The following KCNQ5 variants were observed in gnomAD, a reference collection of about 807,000 sequenced individuals.
KCNQ5 encodes the protein potassium voltage-gated channel subfamily KQT member 5.
A neutral mutation model predicts 98.2 loss-of-function variants in KCNQ5; 30 were observed. The ratio of observed to expected loss-of-function variants is 0.31; its 90% confidence interval spans 0.23 to 0.41. The LOEUF (loss-of-function observed/expected upper bound fraction) is 0.41. Ranked by LOEUF, KCNQ5 falls within the 10% of genes least tolerant of loss-of-function variation. The pLI is 1.00. For missense variants in KCNQ5, 835 were observed against 1,182.5 expected (o/e 0.71, Z 4.31); for synonymous variants, 458 against 449.4 (o/e 1.02, Z -0.24).
intron 10 of KCNQ5, among the ~76,000 whole-genome samples, chr6:73,138,034 A>C (rs1159099904): frequency 6.6e-6 from 1 of 152,030 alleles, no homozygotes; most frequent in African/African-American, 2.4e-5. Context: ...ACATCATCTC[A>C]AGGCAGCCAG....
intron 5 of KCNQ5, among the ~76,000 whole-genome samples, chr6:73,095,987 A>C (rs1342334946): frequency 6.6e-6 from 1 of 152,194 alleles, no homozygotes; most frequent in African/African-American, 2.4e-5. Context: ...TCCTCATATG[A>C]TCACAAGATG....
chr6:73,148,554 G>A (rs1176950819), intron 10 of KCNQ5, among the ~76,000 whole-genome samples: 1 of 152,158 alleles, frequency 6.6e-6, no homozygotes, highest in Non-Finnish European at 1.5e-5. Context: ...TAATTATTTT[G>A]ATTGAATCTC....
rs183187702 is a variant in KCNQ5, at chr6:73,108,601, C to A, written c.1030-2707C>A. 1.1e-4 allele frequency among the ~76,000 whole-genome samples: 16 copies of A among 152,228 alleles called. No homozygotes were observed. In the East Asian group the frequency reaches 3.1e-3, roughly 29 times the overall value. On this transcript the variant is annotated intron_variant, in intron 6 of 13. Transcript: ENST00000370398. ...CAGCACTTTGGGAGGCCGAGGCGGT[C>A]GGATCACAAGGTGAGGAGATCGAGA...
chr6:72,844,653 A>G (rs1467712054), intron 1 of KCNQ5, among the ~76,000 whole-genome samples: 1 of 152,228 alleles, frequency 6.6e-6, no homozygotes, highest in East Asian at 1.9e-4. Context: ...GCAAAATTAT[A>G]CCAATGAAAA....
intron 1 of KCNQ5, among the ~76,000 whole-genome samples, chr6:72,841,699 T>A (rs1365765689): frequency 6.6e-6 from 1 of 152,184 alleles, no homozygotes; most frequent in East Asian, 1.9e-4. Context: ...ATATATTCCT[T>A]ATATTTCATA....
intron 1 of KCNQ5, among the ~76,000 whole-genome samples, chr6:72,928,197 GC>G (rs1765525230): frequency 6.6e-6 from 1 of 152,022 alleles, no homozygotes; most frequent in African/African-American, 2.4e-5. Flanking sequence ...TGAACTTCTT[GC>G]TTTCTGTTAC....
intron 1 of KCNQ5, among the ~76,000 whole-genome samples, chr6:72,626,696 C>A (rs1171582861): frequency 6.6e-6 from 1 of 152,134 alleles, no homozygotes; most frequent in Non-Finnish European, 1.5e-5. Context: ...TTCATTGTTG[C>A]ATTCATTTAT....
chr6:72,876,533 A>C (rs952537794), intron 1 of KCNQ5, among the ~76,000 whole-genome samples: 2 of 152,220 alleles, frequency 1.3e-5, no homozygotes, highest in Admixed American at 6.6e-5. Flanking sequence ...ATATTGATTT[A>C]AAATTAAGGT....
At chr6:73,159,903 GCT>G (rs1318221424) in intron 10 of KCNQ5, among the ~76,000 whole-genome samples, 1 of 152,184 alleles carries the variant, frequency 6.6e-6, no homozygotes, top group Admixed American at 6.5e-5. Context: ...AAAGCTGCCA[GCT>G]CTCTCCTTTA....
intron 7 of KCNQ5, 101 bp downstream of exon 7, chr6:73,111,504 T>C: frequency 1.3e-6 from 1 of 789,106 alleles, no homozygotes; most frequent in Non-Finnish European, 2.1e-6. Context: ...GAACTACTGC[T>C]TTGTTCCTTT....
intron 5 of KCNQ5, among the ~76,000 whole-genome samples, chr6:73,097,374 C>A (rs1395644649): frequency 6.6e-6 from 1 of 151,974 alleles, no homozygotes; most frequent in African/African-American, 2.4e-5. Flanking sequence ...GATGCAGAAA[C>A]ATCATTTGAT....
intron 1 of KCNQ5, among the ~76,000 whole-genome samples, chr6:72,905,513 G>C (rs769503122): frequency 6.6e-6 from 1 of 152,180 alleles, no homozygotes; most frequent in African/African-American, 2.4e-5. Flanking sequence ...GGCTCTGTCA[G>C]AGGGAAGGTC....
At chr6:72,885,188 G>T (rs1778803220) in intron 1 of KCNQ5, among the ~76,000 whole-genome samples, 1 of 152,304 alleles carries the variant, frequency 6.6e-6, no homozygotes, top group South Asian at 2.1e-4. Flanking sequence ...CTTCATAAGT[G>T]CAGGGACGAT....
In KCNQ5 at chr6:72,712,150, A is replaced by G. The variant is rs1769403627; in HGVS notation, c.398+89563A>G. On this transcript the variant is annotated intron_variant, in intron 1 of 13. Coordinates refer to ENST00000370398, the MANE Select transcript of KCNQ5 (RefSeq NM_019842.4). ...TGTTTGTTTTAGGAATGAATGAATG[A>G]ATGAAGAATGGATAGATTACCTAGG... is the stretch of plus-strand genomic sequence containing the variant. Among the ~76,000 whole-genome samples the G allele has an allele frequency of 3.9e-5, 6 of 152,222 alleles. 1 individual carries two copies. The South Asian group carries it at 1.2e-3, about 31-fold the overall frequency.
intron 1 of KCNQ5, among the ~76,000 whole-genome samples, chr6:72,688,639 T>A (rs1416026110): frequency 6.6e-6 from 1 of 152,196 alleles, no homozygotes; most frequent in Non-Finnish European, 1.5e-5. Flanking sequence ...TCTGGATAAG[T>A]TATCTAAGTA....
At chr6:73,066,742 C>T (rs538470193) in intron 3 of KCNQ5, among the ~76,000 whole-genome samples, 100 of 152,272 alleles carry the variant, frequency 6.6e-4, no homozygotes, top group African/African-American at 1.7e-3. Flanking sequence ...TAGTTAATGG[C>T]GAACAGATAA....
intron 1 of KCNQ5, among the ~76,000 whole-genome samples, chr6:72,660,008 T>G (rs1196506865): frequency 1.3e-5 from 2 of 152,222 alleles, no homozygotes; most frequent in African/African-American, 2.4e-5. Flanking sequence ...CTTCCGTTCT[T>G]GTCCCTTGTG....
intron 1 of KCNQ5, among the ~76,000 whole-genome samples, chr6:72,964,532 A>G (rs1767516746): frequency 1.3e-5 from 2 of 152,194 alleles, no homozygotes; most frequent in Non-Finnish European, 2.9e-5. Context: ...TTGATTTCCT[A>G]TCCTTGGTGA....
chr6:73,162,882 C>T (rs916619750), intron 10 of KCNQ5, among the ~76,000 whole-genome samples: 2 of 152,112 alleles, frequency 1.3e-5, no homozygotes, highest in African/African-American at 4.8e-5. Flanking sequence ...AAGCTGTGCA[C>T]TGAAGTTCAT....
Sources: gnomAD v4.1 joint callset for allele counts (sites outside exome capture counted in the v4.1 genomes callset) on GRCh38, gnomAD v4.1.1 for gene constraint, MANE v1.5 for transcripts, NCBI Gene and HGNC (gene_info 2026-07-23, HGNC 2026-07-21) for gene names.